Variants in NUP35 observed in about 807,000 individuals in gnomAD.
The protein encoded by NUP35 is nucleoporin 35, also known as nucleoporin NUP35.
Under a neutral mutation model 41.5 loss-of-function variants are expected in NUP35, and 25 were observed. The observed-to-expected ratio is 0.60, with a 90% CI of 0.44 to 0.84. NUP35 has a LOEUF of 0.84. NUP35 is among the 40% of genes least tolerant of loss of function. The probability of loss-of-function intolerance (pLI) is 0.00; values close to 1 mark genes in which losing one functional copy is unlikely to be tolerated. For synonymous variants in NUP35, 149 were observed against 130.7 expected, an observed-to-expected ratio of 1.14 and a Z score of -0.96; for missense variants, 396 against 396.6, an observed-to-expected ratio of 1.00 and a Z score of 0.01.
intron 4 of NUP35, among the ~76,000 whole-genome samples, chr2:183,150,620 G>C (rs1575132015): frequency 7.0e-6 from 1 of 141,914 alleles, no homozygotes; most frequent in Non-Finnish European, 1.6e-5. Flanking sequence ...TTTTTTCTCT[G>C]TAGGATTTTT....
chr2:183,123,771 G>A (rs762619057), upstream of NUP35: 9 of 985,262 alleles, frequency 9.1e-6, no homozygotes, highest in South Asian at 1.9e-4. Flanking sequence ...GGACGTGGAC[G>A]GCAGGGATGG....
chr2:183,157,866 CT>C (rs1685726361), intron 6 of NUP35, among the ~76,000 whole-genome samples: 1 of 152,012 alleles, frequency 6.6e-6, no homozygotes, highest in Admixed American at 6.5e-5. Flanking sequence ...AGTTCCTGAG[CT>C]TTTAGAGTTT....
chr2:183,141,276 T>C (rs1176851059), intron 4 of NUP35, among the ~76,000 whole-genome samples: 1 of 152,202 alleles, frequency 6.6e-6, no homozygotes, highest in South Asian at 2.1e-4. Flanking sequence ...TGTGGTTACA[T>C]ATAGGGCCCA....
At chr2:183,156,225 G>A (rs1685660737) in intron 5 of NUP35, among the ~76,000 whole-genome samples, 1 of 152,044 alleles carries the variant, frequency 6.6e-6, no homozygotes, top group African/African-American at 2.4e-5. Context: ...CTGCCCTGTA[G>A]GCACCCAACC....
intron 2 of NUP35, among the ~76,000 whole-genome samples, chr2:183,128,765 C>T (rs571046601): frequency 6.6e-6 from 1 of 151,284 alleles, no homozygotes; most frequent in African/African-American, 2.4e-5. Context: ...AGCATTCACC[C>T]TCATCAATAC....
chr2:183,137,544 C>G (rs1004745533), intron 4 of NUP35, among the ~76,000 whole-genome samples: 2 of 152,202 alleles, frequency 1.3e-5, no homozygotes, highest in Non-Finnish European at 2.9e-5. Flanking sequence ...AGTGATCACA[C>G]CACTGCATTC....
chr2:183,141,542 T>A (rs944942221), intron 4 of NUP35, among the ~76,000 whole-genome samples: 3 of 152,242 alleles, frequency 2.0e-5, no homozygotes, highest in Admixed American at 2.0e-4. Context: ...TATTCCTTTG[T>A]CAGTGTTTGT....
chr2:183,159,871 C>A, intron 8 of NUP35: 1 of 453,050 alleles, frequency 2.2e-6, no homozygotes, highest in Non-Finnish European at 3.8e-6. Context: ...ATTTGCCATT[C>A]CTTTAAATTT....
intron 1 of NUP35, among the ~76,000 whole-genome samples, chr2:183,126,008 CT>C (rs1209303096): frequency 1.3e-5 from 2 of 152,106 alleles, no homozygotes; most frequent in Non-Finnish European, 2.9e-5. Flanking sequence ...CTGGTGCTTT[CT>C]TTTTTCTTTT....
chr2:183,121,570 A>T (rs1700067551), upstream of NUP35, among the ~76,000 whole-genome samples: 1 of 152,150 alleles, frequency 6.6e-6, no homozygotes, highest in African/African-American at 2.4e-5. Context: ...GCGGTGGCTC[A>T]CACCTGTAAT....
At position 183,158,377 on chromosome 2, in the gene NUP35, C is replaced by G; in HGVS notation, c.704C>G (p.Ser235Cys). 6.2e-7 allele frequency: 1 copy of G among 1,607,978 alleles called. No individual in the cohort carries two copies. The highest frequency in any genetic ancestry group is 8.5e-7 in the Non-Finnish European group (1 of 1,176,188). The change falls in exon 7 of 9, where the codon TCC (serine) becomes TGC (cysteine). Residue 235 changes from serine (S) to cysteine (C), a missense_variant. Physicochemically the swap from Ser to Cys is moderately radical, Grantham distance 112 (BLOSUM62 -1). Coordinates refer to ENST00000295119, the MANE Select transcript of NUP35 (RefSeq NM_138285.5). ...LSKDGRIFGE[S>C]IMIGVKPCID... The stretch of plus-strand genomic sequence containing the variant: ...AAAGATGGGAGGATTTTTGGAGAAT[C>G]CATCATGATTGGTGTAAAACCATGT...
chr2:183,136,378 A>G (rs981809160), intron 4 of NUP35, among the ~76,000 whole-genome samples: 2 of 152,096 alleles, frequency 1.3e-5, no homozygotes, highest in Non-Finnish European at 2.9e-5. Context: ...TTCTGTCTGG[A>G]GGCTTTGGGT....
chr2:183,121,151 G>C (rs1700061126), upstream of NUP35, among the ~76,000 whole-genome samples: 1 of 152,064 alleles, frequency 6.6e-6, no homozygotes, highest in Admixed American at 6.5e-5. Context: ...GGAAAAGATT[G>C]TCAAAGCTGT....
intron 4 of NUP35, among the ~76,000 whole-genome samples, chr2:183,142,593 G>A (rs981601942): frequency 6.6e-6 from 1 of 151,742 alleles, no homozygotes; most frequent in African/African-American, 2.4e-5. Flanking sequence ...TGATTCTTCT[G>A]CCTCAGCCTC....
upstream of NUP35, among the ~76,000 whole-genome samples, chr2:183,120,644 A>AT (rs940836799): frequency 6.6e-6 from 1 of 152,114 alleles, no homozygotes; most frequent in African/African-American, 2.4e-5. Flanking sequence ...AAGAATAACC[A>AT]TTTTTCAAAG....
At chr2:183,159,769 C>CT (rs763248187) in intron 8 of NUP35, 117 bp downstream of exon 8, 8 of 744,156 alleles carry the variant, frequency 1.1e-5, no homozygotes, top group African/African-American at 1.8e-5. Context: ...AGGCTATTAC[C>CT]TTGATGAAAC....
intron 1 of NUP35, among the ~76,000 whole-genome samples, chr2:183,127,145 T>C (rs1023608201): frequency 6.6e-6 from 1 of 152,230 alleles, no homozygotes; most frequent in African/African-American, 2.4e-5. Flanking sequence ...ATTAGAATTA[T>C]ATAGCTCACT....
upstream of NUP35, chr2:183,124,380 G>T: frequency 6.2e-7 from 1 of 1,613,194 alleles, no homozygotes; most frequent in Non-Finnish European, 8.5e-7. Context: ...GTAGCACGCC[G>T]TTACCCGTGG....
At chr2:183,154,919 GC>G in intron 5 of NUP35, among the ~76,000 whole-genome samples, 1 of 152,322 alleles carries the variant, frequency 6.6e-6, no homozygotes, top group South Asian at 2.1e-4. Flanking sequence ...CAGAATCATG[GC>G]GGGAGGCAAA....
Sources: gnomAD v4.1 joint callset for allele counts (sites outside exome capture counted in the v4.1 genomes callset) on GRCh38, gnomAD v4.1.1 for gene constraint, MANE v1.5 for transcripts, NCBI Gene and HGNC (gene_info 2026-07-23, HGNC 2026-07-21) for gene names.